The following CNOT10 variants were observed in gnomAD, a reference collection of about 807,000 sequenced individuals.
CNOT10 encodes the protein CCR4-NOT transcription complex subunit 10.
CNOT10 carries 30 observed loss-of-function variants against 94.6 expected under a neutral mutation model. The observed-to-expected ratio is 0.32, with a 90% CI of 0.24 to 0.43. CNOT10 has a LOEUF of 0.43. CNOT10 is among the 20% of genes least tolerant of loss of function. The pLI, the probability that CNOT10 is intolerant of heterozygous loss-of-function variation, is 1.00. For synonymous variants in CNOT10, 289 were observed against 301.6 expected (o/e 0.96, Z 0.43); for missense variants, 759 against 877.2 (o/e 0.87, Z 1.70).
intron 1 of CNOT10, among the ~76,000 whole-genome samples, chr3:32,700,318 G>A (rs867603360): frequency 9.9e-5 from 15 of 152,264 alleles, no homozygotes; most frequent in Middle Eastern, 3.4e-3. Flanking sequence ...CTGAATCTGA[G>A]TTGGAAGGGA....
intron 18 of CNOT10, among the ~76,000 whole-genome samples, chr3:32,771,274 C>T (rs1700892530): frequency 6.6e-6 from 1 of 150,978 alleles, no homozygotes; most frequent in African/African-American, 2.4e-5. Context: ...CTGCAGTGAA[C>T]TGAGATCATG....
rs753280021 is a variant in CNOT10, at chr3:32,727,681, A to G, written c.1026A>G (p.Ser342=). The part of the protein sequence containing the change: ...AGSTDPGKKF[S]GRPMCTLLTN... Reference sequence around the variant, plus strand: ...TTTTATCACTAGGTAAAAAATTTTCAGGAAGACCCATGTGTACGTTACTAA... The same window carrying G: ...TTTTATCACTAGGTAAAAAATTTTCGGGAAGACCCATGTGTACGTTACTAA... The change falls in exon 10 of 19, where the codon TCA becomes TCG. Residue 342 remains serine (S), a synonymous_variant. Transcript: ENST00000328834. 1.9e-5 allele frequency: 30 copies of G among 1,611,666 alleles called. No individual in the cohort carries two copies. The highest frequency in any genetic ancestry group is 4.2e-6 in the Non-Finnish European group (5 of 1,178,500).
chr3:32,686,037 CAAAGT>C lies in CNOT10; in HGVS notation c.22+559_22+563del, dbSNP rs562657849. ...AAGCGATCCTTCCGCCTTGGCCTCT[CAAAGT>C]AAACCACTTATTTAAAAAGGCATAA... On this transcript the variant is annotated intron_variant, in intron 1 of 18. Transcript: ENST00000328834. Among the ~76,000 whole-genome samples, 319 of 152,276 alleles carry C rather than the reference CAAAGT, an allele frequency of 2.1e-3. 2 individuals are homozygous for C. The highest frequency in any genetic ancestry group is 1.6e-3 in the Non-Finnish European group (109 of 68,030).
chr3:32,770,914 C>T (rs1346708007), intron 18 of CNOT10, among the ~76,000 whole-genome samples: 1 of 151,906 alleles, frequency 6.6e-6, no homozygotes, highest in Non-Finnish European at 1.5e-5. Context: ...GGGTTCACCA[C>T]GTTGGCCAAG....
chr3:32,730,943 A>G lies in CNOT10; in HGVS notation c.1216-2480A>G, dbSNP rs368850676. The stretch of plus-strand genomic sequence containing the variant: ...TTTCTGGCTATCGGTGCTTGAAGGT[A>G]TGGATTATTATTCTACGTTTTTTAG... On this transcript the variant is annotated intron_variant, in intron 10 of 18. Transcript: ENST00000328834. 13 of 152,180 alleles carry G rather than the reference A, an allele frequency of 8.5e-5. No individual in the cohort carries two copies. In the East Asian group the frequency reaches 1.9e-3, roughly 22 times the overall value. The allele number at this position is 152,180 out of a possible 1,614,324, so 9.4% of individuals were successfully genotyped here.
intron 13 of CNOT10, 33 bp from the exon 14 acceptor site, chr3:32,759,425 G>T: frequency 7.0e-7 from 1 of 1,421,042 alleles, no homozygotes; most frequent in South Asian, 1.2e-5. Flanking sequence ...TGTTTAAAAT[G>T]AGATTTTCGG....
intron 1 of CNOT10, among the ~76,000 whole-genome samples, chr3:32,689,845 C>T (rs1216377304): frequency 6.6e-6 from 1 of 152,120 alleles, no homozygotes; most frequent in Non-Finnish European, 1.5e-5. Flanking sequence ...GTCCTAGCTA[C>T]TCCAGAGTCT....
In CNOT10 at chr3:32,727,779, T is replaced by C; in HGVS notation, c.1124T>C (p.Phe375Ser). ...CACATTGGAAGGCCTCTTGCTGCCTTCGAATGTCTGATTGAAGCTGTTCAG... is the reference window on the plus strand; with the variant it reads ...CACATTGGAAGGCCTCTTGCTGCCTCCGAATGTCTGATTGAAGCTGTTCAG... ...LLHIGRPLAA[F>S]ECLIEAVQVY... The change falls in exon 10 of 19, where the codon TTC becomes TCC. Residue 375 changes from phenylalanine (F) to serine (S), a missense_variant. By Grantham distance (155) the Phe-to-Ser change is radical. Around this residue, in one of 3 missense-constraint regions of CNOT10, gnomAD observed 682 missense variants for 799.4 expected, o/e 0.85. Transcript: ENST00000328834. 6.2e-7 allele frequency: 1 copy of C among 1,614,102 alleles called. No homozygotes were observed.
intron 13 of CNOT10, among the ~76,000 whole-genome samples, chr3:32,746,999 C>G (rs1305450884): frequency 6.6e-6 from 1 of 152,066 alleles, no homozygotes; most frequent in Non-Finnish European, 1.5e-5. Flanking sequence ...CACCTGTAAT[C>G]CCAGCTACAC....
intron 13 of CNOT10, among the ~76,000 whole-genome samples, chr3:32,749,843 G>C (rs76959041): frequency 0.01 from 1,525 of 152,010 alleles, 18 homozygotes; most frequent in African/African-American, 0.035. Context: ...CACCACTAAA[G>C]AACTTGTGTA....
At chr3:32,690,709 G>T (rs1038343883) in intron 1 of CNOT10, among the ~76,000 whole-genome samples, 1 of 152,012 alleles carries the variant, frequency 6.6e-6, no homozygotes, top group Non-Finnish European at 1.5e-5. Flanking sequence ...ACCATGCCCG[G>T]CTAGTTTTTT....
chr3:32,767,830 C>T (rs528957036), intron 17 of CNOT10, among the ~76,000 whole-genome samples: 2 of 152,292 alleles, frequency 1.3e-5, no homozygotes, highest in South Asian at 4.1e-4. Flanking sequence ...AAAGTGCCCC[C>T]AGACCTCAGT....
intron 3 of CNOT10, among the ~76,000 whole-genome samples, chr3:32,708,329 T>C (rs1231910956): frequency 6.6e-6 from 1 of 152,182 alleles, no homozygotes; most frequent in Non-Finnish European, 1.5e-5. Context: ...TTGTAGGTTG[T>C]GAGACTAGGA....
Position 32,685,340 on chromosome 3 carries a change from T to G in CNOT10, c.-121T>G. 2 of 1,202,292 alleles carry G rather than the reference T, an allele frequency of 1.7e-6. No individual in the cohort carries two copies. The highest frequency in any genetic ancestry group is 2.4e-6 in the Non-Finnish European group (2 of 838,558). The allele number at this position is 1,202,292 out of a possible 1,614,324, so 74.5% of individuals were successfully genotyped here. Reference sequence around the variant, plus strand: ...TCTGCCCACTCCTCTAGCCGGAACCTGGGGGCCCGGAGCCGGGGTAGGCAC... The same window carrying G: ...TCTGCCCACTCCTCTAGCCGGAACCGGGGGGCCCGGAGCCGGGGTAGGCAC... On this transcript the variant is annotated 5_prime_UTR_variant, in exon 1 of 19. Transcript: ENST00000328834.
chr3:32,694,571 T>C (rs1052077482), intron 1 of CNOT10, among the ~76,000 whole-genome samples: 19 of 152,070 alleles, frequency 1.2e-4, no homozygotes, highest in Non-Finnish European at 2.4e-4. Flanking sequence ...TGATATTGTT[T>C]TTTCTTCTTT....
chr3:32,767,304 A>G (rs917049482), intron 17 of CNOT10, among the ~76,000 whole-genome samples: 4 of 152,104 alleles, frequency 2.6e-5, no homozygotes, highest in African/African-American at 9.7e-5. Context: ...AGATCACCTG[A>G]GGTCAGGAGT....
At chr3:32,759,239 A>C (rs929661041) in intron 13 of CNOT10, among the ~76,000 whole-genome samples, 19 of 152,056 alleles carry the variant, frequency 1.2e-4, no homozygotes, top group African/African-American at 4.6e-4. Context: ...ATGTGGGTCA[A>C]TTGGATGAAA....
At chr3:32,748,323 T>A (rs1215420855) in intron 13 of CNOT10, among the ~76,000 whole-genome samples, 5 of 151,898 alleles carry the variant, frequency 3.3e-5, no homozygotes, top group African/African-American at 7.3e-5. Context: ...CTTTAGAAAA[T>A]TTTTTTTTGT....
Position 32,733,592 on chromosome 3 carries a change from A to G in CNOT10, c.1337+48A>G, listed in dbSNP as rs773338236. The G allele has an allele frequency of 3.3e-6, 4 of 1,201,920 alleles. No homozygotes were observed. The South Asian group carries it at 4.7e-5, about 14-fold the overall frequency. 74.5% of individuals were successfully genotyped at this position (1,201,920 alleles called of 1,614,324 possible). On this transcript the variant is annotated intron_variant, in intron 11 of 18. Coordinates refer to ENST00000328834, the MANE Select transcript of CNOT10 (RefSeq NM_015442.3). ...GTGTATATATATTTAATACTAGTTT[A>G]CATAATGTTACTTATATATAAAAGT...
Sources: allele counts gnomAD v4.1 joint callset (sites outside exome capture counted in the v4.1 genomes callset), GRCh38; gene constraint gnomAD v4.1.1; regional missense constraint gnomAD v4.1.1; transcripts MANE v1.5; gene names NCBI Gene and HGNC (gene_info 2026-07-23, HGNC 2026-07-21).